Variants in CACNA1D observed in about 807,000 individuals in gnomAD.
CACNA1D encodes voltage-dependent L-type calcium channel subunit alpha-1D.
CACNA1D carries 55 observed loss-of-function variants against 257.1 expected under a neutral mutation model. That is an observed-to-expected ratio of 0.21 (90% confidence interval 0.17 to 0.27). CACNA1D has a LOEUF of 0.27. Among genes scored for constraint, CACNA1D ranks in the 10% least tolerant of loss-of-function variants. The probability of loss-of-function intolerance (pLI) is 1.00; values close to 1 mark genes in which losing one functional copy is unlikely to be tolerated. For synonymous variants in CACNA1D, 980 were observed against 1,014.9 expected (o/e 0.97, Z 0.65); for missense variants, 1,876 against 2,784.0 (o/e 0.67, Z 7.34).
intron 3 of CACNA1D, among the ~76,000 whole-genome samples, chr3:53,606,101 C>T (rs2093506416): frequency 6.6e-6 from 1 of 152,222 alleles, no homozygotes; most frequent in East Asian, 1.9e-4. Flanking sequence ...ACTGTGTCAA[C>T]AGACTGGACC....
intron 3 of CACNA1D, among the ~76,000 whole-genome samples, chr3:53,591,482 G>A (rs2093304552): frequency 6.6e-6 from 1 of 152,130 alleles, no homozygotes; most frequent in Non-Finnish European, 1.5e-5. Context: ...TTGAACTCCT[G>A]AGCTCAGGCA....
intron 23 of CACNA1D, 29 bp downstream of exon 23, chr3:53,744,856 T>G (rs2095152246): frequency 6.8e-6 from 9 of 1,331,008 alleles, no homozygotes; most frequent in African/African-American, 1.4e-5. Flanking sequence ...CCGGCTGGGC[T>G]GGCTTGGGTT....
intron 3 of CACNA1D, among the ~76,000 whole-genome samples, chr3:53,606,305 C>T (rs1447717806): frequency 6.6e-6 from 1 of 152,238 alleles, no homozygotes; most frequent in Non-Finnish European, 1.5e-5. Context: ...TGCACTGTGG[C>T]TGGATGCCCC....
At chr3:53,531,076 T>G (rs1339797711) in intron 3 of CACNA1D, among the ~76,000 whole-genome samples, 4 of 150,682 alleles carry the variant, frequency 2.7e-5, no homozygotes, top group African/African-American at 9.8e-5. Context: ...AGGCTGGTCT[T>G]GAACTCCTGG....
Position 53,731,153 on chromosome 3 carries a change from A to G in CACNA1D, c.2406+7A>G, listed in dbSNP as rs780448033. 6.3e-7 allele frequency: 1 copy of G among 1,583,046 alleles called. No individual in the cohort carries two copies. The highest frequency in any genetic ancestry group is 1.1e-5 in the South Asian group (1 of 90,416). On this transcript the variant is annotated splice_region_variant and intron_variant, in intron 17 of 47. Coordinates refer to ENST00000350061, the MANE Select transcript of CACNA1D (RefSeq NM_001128840.3). ...AGCCAACAGTGACAACAAGGTATGTATTCTAAGATGCTTCTCCCCTTTTTG... is the reference window on the plus strand; with the variant it reads ...AGCCAACAGTGACAACAAGGTATGTGTTCTAAGATGCTTCTCCCCTTTTTG...
chr3:53,517,093 C>T (rs186795846), intron 3 of CACNA1D, among the ~76,000 whole-genome samples: 77 of 152,294 alleles, frequency 5.1e-4, no homozygotes, highest in African/African-American at 8.7e-4. Context: ...TGTGTGAAAG[C>T]GTTTTATAAT....
chr3:53,764,668 C>T (rs965639546), intron 30 of CACNA1D, among the ~76,000 whole-genome samples: 7 of 152,226 alleles, frequency 4.6e-5, no homozygotes. Flanking sequence ...TGGCCCTGCT[C>T]CTCCCGCTGC....
At chr3:53,601,639 G>A (rs546022604) in intron 3 of CACNA1D, among the ~76,000 whole-genome samples, 3 of 152,170 alleles carry the variant, frequency 2.0e-5, no homozygotes, top group Non-Finnish European at 4.4e-5. Context: ...AAATCATGGT[G>A]GTGGTAGCAG....
intron 30 of CACNA1D, among the ~76,000 whole-genome samples, chr3:53,767,212 C>G (rs556647381): frequency 4.6e-5 from 7 of 152,228 alleles, no homozygotes; most frequent in African/African-American, 1.7e-4. Context: ...TTACCCTGGC[C>G]CAGGACTGGA....
intron 3 of CACNA1D, among the ~76,000 whole-genome samples, chr3:53,623,751 A>G (rs1347593508): frequency 6.6e-6 from 1 of 152,178 alleles, no homozygotes; most frequent in African/African-American, 2.4e-5. Flanking sequence ...TCACCTGGAT[A>G]CCTTTGAGTT....
chr3:53,768,236 C>T (rs3774577), intron 30 of CACNA1D, among the ~76,000 whole-genome samples: 49,181 of 152,038 alleles, frequency 0.32, 8,411 homozygotes, highest in Non-Finnish European at 0.38. Flanking sequence ...ACCAACAGGC[C>T]CCTTACTGTC....
intron 3 of CACNA1D, among the ~76,000 whole-genome samples, chr3:53,555,644 T>A (rs2092630999): frequency 6.6e-6 from 1 of 152,048 alleles, no homozygotes; most frequent in Non-Finnish European, 1.5e-5. Context: ...GGTCCATTTC[T>A]CACCACCCCC....
intron 30 of CACNA1D, chr3:53,762,565 T>C (rs1311092906): frequency 8.8e-6 from 4 of 456,856 alleles, no homozygotes; most frequent in Admixed American, 2.3e-5. Context: ...ATTTCACTGA[T>C]GCATGGAACA....
intron 3 of CACNA1D, among the ~76,000 whole-genome samples, chr3:53,620,006 T>A (rs2093678392): frequency 6.6e-6 from 1 of 152,160 alleles, no homozygotes; most frequent in Admixed American, 6.5e-5. Flanking sequence ...AAGTTACAGA[T>A]TGTTACAAGT....
rs2109033850 is a variant in CACNA1D, at chr3:53,775,877, C to T, written c.4203-9C>T. 1.2e-6 allele frequency: 2 copies of T among 1,613,898 alleles called. No homozygotes were observed. The highest frequency in any genetic ancestry group is 2.2e-5 in the South Asian group (2 of 91,082). On this transcript the variant is annotated splice_polypyrimidine_tract_variant and intron_variant, in intron 34 of 47. Coordinates refer to ENST00000350061, the MANE Select transcript of CACNA1D (RefSeq NM_001128840.3). ...CCACTAAAGCCCCTTTGTTCTTCATCTGAAAAAGGTGTGCAACAGGTGAGG... is the reference window on the plus strand; with the variant it reads ...CCACTAAAGCCCCTTTGTTCTTCATTTGAAAAAGGTGTGCAACAGGTGAGG...
chr3:53,682,374 A>G (rs1021537404), intron 8 of CACNA1D, among the ~76,000 whole-genome samples: 1 of 89,300 alleles, frequency 1.1e-5, no homozygotes, highest in Non-Finnish European at 2.3e-5. Flanking sequence ...GTAAAAAAAA[A>G]AAAAAAAAAA....
chr3:53,732,729 G>T, intron 18 of CACNA1D, 86 bp from the exon 19 acceptor site: 1 of 1,311,368 alleles, frequency 7.6e-7, no homozygotes. Context: ...TAAAGTTTAA[G>T]CCAAATTTGC....
chr3:53,713,132 T>C (rs975479480), intron 9 of CACNA1D, among the ~76,000 whole-genome samples: 5 of 152,156 alleles, frequency 3.3e-5, no homozygotes, highest in African/African-American at 7.2e-5. Flanking sequence ...TCTTGTGCCC[T>C]CCCCTCCTTG....
At chr3:53,747,006 GC>G (rs2095175835) in intron 25 of CACNA1D, among the ~76,000 whole-genome samples, 1 of 152,202 alleles carries the variant, frequency 6.6e-6, no homozygotes, top group Non-Finnish European at 1.5e-5. Flanking sequence ...TGTAAGAGAT[GC>G]TCTCACCATG....
Sources: gnomAD v4.1 joint callset for allele counts (sites outside exome capture counted in the v4.1 genomes callset) on GRCh38, gnomAD v4.1.1 for gene constraint, MANE v1.5 for transcripts, NCBI Gene and HGNC (gene_info 2026-07-23, HGNC 2026-07-21) for gene names.